Variants in TBX4 observed in about 807,000 individuals in gnomAD.
The protein encoded by TBX4 is T-box transcription factor TBX4.
TBX4 carries 13 observed loss-of-function variants against 54.6 expected under a neutral mutation model. That is an observed-to-expected ratio of 0.24 (90% CI 0.15 to 0.38). The LOEUF (loss-of-function observed/expected upper bound fraction) is 0.38. Ranked by LOEUF, TBX4 falls within the 10% of genes least tolerant of loss-of-function variation. The pLI is 1.00. For synonymous variants in TBX4, 314 were observed against 306.7 expected, an observed-to-expected ratio of 1.02 and a Z score of -0.25; for missense variants, 631 against 728.5, an observed-to-expected ratio of 0.87 and a Z score of 1.54.
rs752282577 is a variant in TBX4 at position 61,483,297 on chromosome 17, C to G, written c.1422C>G (p.Val474=). 6.2e-7 allele frequency: 1 copy of G among 1,613,126 alleles called. No individual in the cohort carries two copies. The highest frequency in any genetic ancestry group is 8.5e-7 in the Non-Finnish European group (1 of 1,179,118). The part of the protein sequence containing the change: ...SQPPGNAHFS[V]YNQLSQSQVR... Reference sequence around the variant, plus strand: ...CACCAGGAAATGCCCACTTTAGTGTCTACAATCAGCTCTCCCAGTCTCAGG... The same window carrying G: ...CACCAGGAAATGCCCACTTTAGTGTGTACAATCAGCTCTCCCAGTCTCAGG... The change falls in exon 9 of 9, where the codon GTC becomes GTG. Residue 474 remains valine (V), a synonymous_variant. Transcript: ENST00000644296. This position sits in a 1 kb window ranked among gnomAD's most constrained non-coding sequence, Gnocchi z 6.6.
Position 61,474,535 on chromosome 17 carries a change from G to C in TBX4, c.550-4092G>C, listed in dbSNP as rs955086729. Reference sequence around the variant, plus strand: ...CTGTGATTCCAATGTAGATAGATCTGGGCTTTATTGGCCAAGCACGCTATG... The same window carrying C: ...CTGTGATTCCAATGTAGATAGATCTCGGCTTTATTGGCCAAGCACGCTATG... On this transcript the variant is annotated intron_variant, in intron 5 of 8. Coordinates refer to ENST00000644296, the MANE Select transcript of TBX4 (RefSeq NM_001321120.2). This position sits in a 1 kb window ranked among gnomAD's most constrained non-coding sequence, Gnocchi z 4.6. Among the ~76,000 whole-genome samples, 1 of 152,198 alleles carries C rather than the reference G, an allele frequency of 6.6e-6. No homozygotes were observed. The highest frequency in any genetic ancestry group is 1.9e-4 in the East Asian group (1 of 5,200).
intron 2 of TBX4, among the ~76,000 whole-genome samples, chr17:61,456,979 TC>T (rs1183058176): frequency 1.3e-5 from 2 of 152,080 alleles, no homozygotes; most frequent in Non-Finnish European, 2.9e-5. Flanking sequence ...GGACCAAGTG[TC>T]CAGCTCCAAC....
Position 61,465,667 on chromosome 17 carries a change from T to G in TBX4, c.282-152T>G. ...TGTGCAGCTCGGGCAGAGGGGGAAGTGAGTTGTGCAGGTCACACAGCTGTG... is the reference window on the plus strand; with the variant it reads ...TGTGCAGCTCGGGCAGAGGGGGAAGGGAGTTGTGCAGGTCACACAGCTGTG... On this transcript the variant is annotated intron_variant, in intron 3 of 8. Transcript: ENST00000644296. The surrounding 1 kb of genome is among the most constrained non-coding windows in gnomAD (Gnocchi z 4.9). 1 of 974,886 alleles carries G rather than the reference T, an allele frequency of 1.0e-6. No homozygotes were observed. The highest frequency in any genetic ancestry group is 2.5e-5 in the East Asian group (1 of 40,368). The allele number at this position is 974,886 out of a possible 1,614,324, so 60.4% of individuals were successfully genotyped here.
In TBX4 at chr17:61,462,295, G is replaced by T. The variant is rs2060500282; in HGVS notation, c.282-3524G>T. Among the ~76,000 whole-genome samples the T allele has an allele frequency of 6.6e-6, 1 of 152,178 alleles. No individual in the cohort carries two copies. Among genetic ancestry groups the T allele is most frequent in the African/African-American group, 2.4e-5 (1 of 41,456 alleles). ...GGCTTTCATCTCCTCCCGGGCCGGC[G>T]AGCAGGCGGCTTGTTTATTCCCCTG... On this transcript the variant is annotated intron_variant, in intron 3 of 8. Transcript: ENST00000644296. This position sits in a 1 kb window ranked among gnomAD's most constrained non-coding sequence, Gnocchi z 4.5.
chr17:61,473,382 G>A (rs560337529), intron 5 of TBX4, among the ~76,000 whole-genome samples: 11 of 152,350 alleles, frequency 7.2e-5, no homozygotes, highest in African/African-American at 2.4e-4. Flanking sequence ...ACCGTGTCTG[G>A]CAAGCCAGCG....
intron 5 of TBX4, among the ~76,000 whole-genome samples, chr17:61,470,088 GCT>G (rs751903893): frequency 1.1e-4 from 17 of 152,142 alleles, no homozygotes; most frequent in Non-Finnish European, 1.9e-4. Context: ...AAAAGGGTGG[GCT>G]CTCTCCTCGC....
At chr17:61,467,731 G>T in intron 5 of TBX4, 74 bp downstream of exon 5, 1 of 1,585,922 alleles carries the variant, frequency 6.3e-7, no homozygotes. Flanking sequence ...CCAGGATGGG[G>T]ATAGGGAGAA....
intron 5 of TBX4, among the ~76,000 whole-genome samples, chr17:61,469,920 C>T: frequency 6.6e-6 from 1 of 152,192 alleles, no homozygotes; most frequent in East Asian, 1.9e-4. Flanking sequence ...TCCTTCTGCA[C>T]AACCACTTCT....
At position 61,474,247 on chromosome 17, in the gene TBX4, C is replaced by T. The variant is rs2060601960; in HGVS notation, c.550-4380C>T. ...TTTTGAGGGGCTAGCATCCAGATAACATGTGTTCTGTGTTCTGTAGGGCCT... is the reference window on the plus strand; with the variant it reads ...TTTTGAGGGGCTAGCATCCAGATAATATGTGTTCTGTGTTCTGTAGGGCCT... On this transcript the variant is annotated intron_variant, in intron 5 of 8. Transcript: ENST00000644296. The surrounding 1 kb of genome is among the most constrained non-coding windows in gnomAD (Gnocchi z 4.6). Among the ~76,000 whole-genome samples, 2 of 152,164 alleles carry T rather than the reference C, an allele frequency of 1.3e-5. No individual in the cohort carries two copies. The highest frequency in any genetic ancestry group is 2.1e-4 in the South Asian group (1 of 4,822).
chr17:61,466,003 G>A (rs1434526792), intron 4 of TBX4, 65 bp downstream of exon 4: 2 of 1,606,774 alleles, frequency 1.2e-6, no homozygotes, highest in Non-Finnish European at 1.7e-6. Flanking sequence ...CCCCCACCTA[G>A]TGTTTTGTCC....
At chr17:61,470,915 G>A (rs2060572438) in intron 5 of TBX4, among the ~76,000 whole-genome samples, 1 of 152,218 alleles carries the variant, frequency 6.6e-6, no homozygotes, top group South Asian at 2.1e-4. Flanking sequence ...TGGGCTTCAG[G>A]AAGTCAGGGA....
chr17:61,478,509 C>T lies in TBX4; in HGVS notation c.550-118C>T, dbSNP rs1368582151. On this transcript the variant is annotated intron_variant, in intron 5 of 8. Transcript: ENST00000644296. The surrounding 1 kb of genome is among the most constrained non-coding windows in gnomAD (Gnocchi z 7.4). ...AGCTCCAGTCCTGGTCGGTAGGCCC[C>T]GGATCCTGGGCTTTGAGGAGAATGA... The T allele has an allele frequency of 1.0e-5, 15 of 1,432,468 alleles. No homozygotes were observed. Among genetic ancestry groups the T allele is most frequent in the Middle Eastern group, 4.0e-4 (2 of 4,972 alleles). 88.7% of individuals were successfully genotyped at this position (1,432,468 alleles called of 1,614,324 possible).
Position 61,457,713 on chromosome 17 carries a change from C to T in TBX4, c.281+82C>T, listed in dbSNP as rs912965507. ...GAGGTCCCTTAGAAGTCCTCTCGGC[C>T]CCGGCCTGGTGGCCTGTGGGAGGCC... On this transcript the variant is annotated intron_variant, in intron 3 of 8. Transcript: ENST00000644296. The surrounding 1 kb of genome is among the most constrained non-coding windows in gnomAD (Gnocchi z 8.2). 2.0e-5 allele frequency: 28 copies of T among 1,383,266 alleles called. No individual in the cohort carries two copies. The highest frequency in any genetic ancestry group is 2.8e-5 in the Non-Finnish European group (28 of 986,132). 85.7% of individuals were successfully genotyped at this position (1,383,266 alleles called of 1,614,324 possible). A position where few individuals can be genotyped will look rare whatever the true frequency, so the allele number is the denominator to read the frequency against.
At position 61,465,651 on chromosome 17, in the gene TBX4, C is replaced by A; in HGVS notation, c.282-168C>A. The A allele has an allele frequency of 2.4e-6, 2 of 831,420 alleles. No homozygotes were observed. Among genetic ancestry groups the A allele is most frequent in the South Asian group, 1.5e-5 (1 of 66,780 alleles). 51.5% of individuals were successfully genotyped at this position (831,420 alleles called of 1,614,324 possible). ...AGTGCCACCTTTTCACTGTGCAGCT[C>A]GGGCAGAGGGGGAAGTGAGTTGTGC... is the stretch of plus-strand genomic sequence containing the variant. On this transcript the variant is annotated intron_variant, in intron 3 of 8. Transcript: ENST00000644296. This position sits in a 1 kb window ranked among gnomAD's most constrained non-coding sequence, Gnocchi z 4.9.
intron 2 of TBX4, among the ~76,000 whole-genome samples, chr17:61,456,912 A>G (rs1447755671): frequency 6.6e-6 from 1 of 152,158 alleles, no homozygotes; most frequent in Admixed American, 6.5e-5. Flanking sequence ...CTAGAGCTAG[A>G]GATAGAGGAG....
chr17:61,462,724 A>T lies in TBX4; in HGVS notation c.282-3095A>T, dbSNP rs1475700089. On this transcript the variant is annotated intron_variant, in intron 3 of 8. Transcript: ENST00000644296. This position sits in a 1 kb window ranked among gnomAD's most constrained non-coding sequence, Gnocchi z 4.5. ...TTGGTCACCTCCCCCACCCCAACACACAAACAGGGAGGCGTTGCTTTCCAC... is the reference window on the plus strand; with the variant it reads ...TTGGTCACCTCCCCCACCCCAACACTCAAACAGGGAGGCGTTGCTTTCCAC... Among the ~76,000 whole-genome samples, 1 of 152,182 alleles carries T rather than the reference A, an allele frequency of 6.6e-6. No individual in the cohort carries two copies. Among genetic ancestry groups the T allele is most frequent in the African/African-American group, 2.4e-5 (1 of 41,460 alleles).
At chr17:61,471,030 T>G (rs902891700) in intron 5 of TBX4, among the ~76,000 whole-genome samples, 1 of 152,222 alleles carries the variant, frequency 6.6e-6, no homozygotes, top group African/African-American at 2.4e-5. Flanking sequence ...AGTTTATGAT[T>G]TCTGACGCAG....
rs925605342 is a variant in TBX4 at position 61,459,045 on chromosome 17, G to A, written c.281+1414G>A. ...GCCAGGGAGGTGGCATCACCACTCA[G>A]GGCCTCTATCAGGAGAGAAAGTAGG... is the stretch of plus-strand genomic sequence containing the variant. On this transcript the variant is annotated intron_variant, in intron 3 of 8. Transcript: ENST00000644296. This position sits in a 1 kb window ranked among gnomAD's most constrained non-coding sequence, Gnocchi z 4.8. Among the ~76,000 whole-genome samples the A allele has an allele frequency of 3.9e-5, 6 of 152,248 alleles. No homozygotes were observed. The highest frequency in any genetic ancestry group is 8.8e-5 in the Non-Finnish European group (6 of 68,044).
intron 2 of TBX4, among the ~76,000 whole-genome samples, chr17:61,456,953 GCAT>G (rs2060455227): frequency 1.3e-5 from 2 of 152,214 alleles, no homozygotes; most frequent in African/African-American, 4.8e-5. Context: ...GACCCCCGTA[GCAT>G]CTGAGCGAGC....
Sources: allele counts gnomAD v4.1 joint callset (sites outside exome capture counted in the v4.1 genomes callset), GRCh38; gene constraint gnomAD v4.1.1; non-coding constraint Gnocchi (gnomAD v3.1); transcripts MANE v1.5; gene names NCBI Gene and HGNC (gene_info 2026-07-23, HGNC 2026-07-21).